Variants in TRMT11 observed in about 807,000 individuals in gnomAD.
The protein encoded by TRMT11 is tRNA (guanine(10)-N(2))-methyltransferase TRMT11.
A neutral mutation model predicts 62.8 loss-of-function variants in TRMT11; 53 were observed. That is an observed-to-expected ratio of 0.84 (90% CI 0.68 to 1.06). The LOEUF is 1.06. TRMT11 is among the 50% of genes least tolerant of loss of function. TRMT11 has a pLI of 0.00. For missense variants in TRMT11, 556 were observed against 553.4 expected, an observed-to-expected ratio of 1.00 and a Z score of -0.05; for synonymous variants, 188 against 190.3, an observed-to-expected ratio of 0.99 and a Z score of 0.10.
chr6:126,157,922 G>A (rs1446795613), intron 21 of TRMT11, among the ~76,000 whole-genome samples: 1 of 152,042 alleles, frequency 6.6e-6, no homozygotes, highest in Non-Finnish European at 1.5e-5. Flanking sequence ...TTAATGAATT[G>A]CTTAGTAAAT....
At chr6:126,146,903 T>G (rs1777981572) in intron 21 of TRMT11, among the ~76,000 whole-genome samples, 1 of 38,700 alleles carries the variant, frequency 2.6e-5, no homozygotes, top group African/African-American at 1.2e-4. Flanking sequence ...CTACTAAAAG[T>G]GATTATTAGA....
the TRMT11 span, among the ~76,000 whole-genome samples, chr6:126,217,342 TCA>T: frequency 6.6e-6 from 1 of 152,202 alleles, no homozygotes; most frequent in Admixed American, 6.5e-5. Flanking sequence ...ATTGTAGTCT[TCA>T]CAGTCTGGGC....
intron 21 of TRMT11, among the ~76,000 whole-genome samples, chr6:126,126,770 A>G (rs970428432): frequency 2.0e-5 from 3 of 151,912 alleles, no homozygotes; most frequent in Admixed American, 2.0e-4. Flanking sequence ...TGCTTAAACC[A>G]CCCCTCCTAA....
intron 21 of TRMT11, among the ~76,000 whole-genome samples, chr6:126,149,741 A>AG (rs11423736): frequency 0.49 from 74,927 of 151,986 alleles, 20,343 homozygotes; most frequent in African/African-American, 0.72. Flanking sequence ...AACTGAGTTA[A>AG]GGGGCTGCTG....
the TRMT11 span, among the ~76,000 whole-genome samples, chr6:126,242,404 T>A: frequency 6.6e-6 from 1 of 152,152 alleles, no homozygotes; most frequent in African/African-American, 2.4e-5. Context: ...AAGCTACCAA[T>A]GACTTTCTTC....
intron 2 of TRMT11, among the ~76,000 whole-genome samples, chr6:125,994,103 T>C (rs1477747508): frequency 1.3e-5 from 2 of 152,194 alleles, no homozygotes; most frequent in African/African-American, 4.8e-5. Flanking sequence ...GAGCTGTGTT[T>C]AGAATTTGAA....
chr6:126,234,371 A>G, the TRMT11 span, among the ~76,000 whole-genome samples: 1 of 152,152 alleles, frequency 6.6e-6, no homozygotes, highest in African/African-American at 2.4e-5. Flanking sequence ...TACTATTTTC[A>G]TATTTATTTA....
chr6:126,233,735 A>C, the TRMT11 span, among the ~76,000 whole-genome samples: 4 of 152,156 alleles, frequency 2.6e-5, no homozygotes, highest in Non-Finnish European at 4.4e-5. Context: ...GAAGAAAAGG[A>C]GTATGATAAT....
At chr6:126,032,052 T>C (rs957057154) in intron 12 of TRMT11, among the ~76,000 whole-genome samples, 1 of 152,208 alleles carries the variant, frequency 6.6e-6, no homozygotes, top group East Asian at 1.9e-4. Context: ...CTAAGGGTGA[T>C]GTTTCAGAAA....
intron 2 of TRMT11, 40 bp downstream of exon 2, chr6:125,993,862 G>C: frequency 8.2e-7 from 1 of 1,221,466 alleles, no homozygotes; most frequent in Admixed American, 1.8e-5. Context: ...AGTATACTTA[G>C]AAATAGAGCC....
At chr6:126,196,441 A>G (rs146058785) in intron 1 of TRMT11, among the ~76,000 whole-genome samples, 17 of 152,160 alleles carry the variant, frequency 1.1e-4, no homozygotes, top group Admixed American at 8.5e-4. Flanking sequence ...TCAATCCCTC[A>G]TCTATCTGAT....
At chr6:126,012,741 C>T (rs1196767158) in intron 9 of TRMT11, 30 bp from the exon 10 acceptor site, 4 of 1,574,674 alleles carry the variant, frequency 2.5e-6, no homozygotes, top group East Asian at 2.2e-5. Flanking sequence ...TGACTTTTGA[C>T]TATCTGTGTT....
chr6:126,262,096 T>C, the TRMT11 span, among the ~76,000 whole-genome samples: 2 of 152,178 alleles, frequency 1.3e-5, no homozygotes, highest in Admixed American at 6.5e-5. Flanking sequence ...GCTGGTGTAG[T>C]GGAACCTGAA....
At chr6:126,247,783 T>G in the TRMT11 span, among the ~76,000 whole-genome samples, 1 of 151,644 alleles carries the variant, frequency 6.6e-6, no homozygotes, top group South Asian at 2.1e-4. Context: ...AAAGCTAAGA[T>G]CCTTCAAAAG....
At chr6:126,173,803 C>G (rs1273838110), upstream of TRMT11, among the ~76,000 whole-genome samples, 1 of 152,168 alleles carries the variant, frequency 6.6e-6, no homozygotes, top group African/African-American at 2.4e-5. Context: ...ACCTGGAAAC[C>G]AGCAGAATTT....
the TRMT11 span, among the ~76,000 whole-genome samples, chr6:126,261,555 T>C: frequency 6.6e-6 from 1 of 152,212 alleles, no homozygotes; most frequent in East Asian, 1.9e-4. Flanking sequence ...TAGAATAGTT[T>C]CTTTTTCCAA....
At chr6:126,033,370 A>C (rs1020026556) in intron 12 of TRMT11, among the ~76,000 whole-genome samples, 6 of 152,122 alleles carry the variant, frequency 3.9e-5, no homozygotes, top group African/African-American at 1.4e-4. Context: ...CATTAGATTA[A>C]AATTTATTAT....
At chr6:126,106,505 G>T (rs190127825) in intron 17 of TRMT11, among the ~76,000 whole-genome samples, 1 of 152,248 alleles carries the variant, frequency 6.6e-6, no homozygotes, top group Admixed American at 6.5e-5. Context: ...CGCGCTGTTG[G>T]AAAGGGTTTT....
chr6:126,011,299 C>G lies in TRMT11; in HGVS notation c.807C>G (p.Asn269Lys). 6.2e-7 allele frequency: 1 copy of G among 1,613,302 alleles called. No individual in the cohort carries two copies. Among genetic ancestry groups the G allele is most frequent in the Non-Finnish European group, 8.5e-7 (1 of 1,179,538 alleles). The change falls in exon 9 of 13, where the codon AAC becomes AAG. Residue 269 changes from asparagine to lysine, a missense_variant. Transcript: ENST00000334379. ...KNQKWRGPDE[N>K]IRANLRQYGL... is the part of the protein sequence containing the mutation. The stretch of plus-strand genomic sequence containing the variant: ...AGAAGTGGAGAGGACCAGATGAAAA[C>G]ATTAGGGCCAATCTTCGTCAATATG...
Sources: gnomAD v4.1 joint callset for allele counts (sites outside exome capture counted in the v4.1 genomes callset) on GRCh38, gnomAD v4.1.1 for gene constraint, MANE v1.5 for transcripts, NCBI Gene and HGNC (gene_info 2026-07-23, HGNC 2026-07-21) for gene names.